BAZ1A: variants seen among roughly 807,000 people sequenced by gnomAD.
The protein encoded by BAZ1A is bromodomain adjacent to zinc finger domain protein 1A.
A neutral mutation model predicts 185.2 loss-of-function variants in BAZ1A; 50 were observed. That is an observed-to-expected ratio of 0.27 (90% CI 0.22 to 0.34). The LOEUF (loss-of-function observed/expected upper bound fraction) is 0.34. Among genes scored for constraint, BAZ1A ranks in the 10% least tolerant of loss-of-function variants. BAZ1A has a pLI of 1.00. For synonymous variants in BAZ1A, 571 were observed against 615.6 expected (o/e 0.93, Z 1.07); for missense variants, 1,356 against 1,839.9 (o/e 0.74, Z 4.81).
chr14:34,779,213 GATT>G (rs1246217228), intron 17 of BAZ1A, among the ~76,000 whole-genome samples: 1 of 151,920 alleles, frequency 6.6e-6, no homozygotes, highest in Non-Finnish European at 1.5e-5. Flanking sequence ...GATTTGGGGG[GATT>G]ATTCTTTTTC....
chr14:34,844,602 C>T (rs2042472979), intron 3 of BAZ1A, among the ~76,000 whole-genome samples: 1 of 149,178 alleles, frequency 6.7e-6, no homozygotes, highest in African/African-American at 2.4e-5. Flanking sequence ...CGCAGGGAGA[C>T]CCTGTTTCTA....
chr14:34,785,390 G>A (rs1302816265), intron 14 of BAZ1A, among the ~76,000 whole-genome samples: 2 of 152,024 alleles, frequency 1.3e-5, no homozygotes, highest in Non-Finnish European at 2.9e-5. Flanking sequence ...TTTAAAAAAA[G>A]GAAGTGAAAA....
At chr14:34,771,197 G>A in intron 21 of BAZ1A, 1 of 210,310 alleles carries the variant, frequency 4.8e-6, no homozygotes, top group Non-Finnish European at 9.4e-6. Flanking sequence ...TGGGGTTCTT[G>A]CTATATGTTG....
intron 14 of BAZ1A, among the ~76,000 whole-genome samples, 169 bp downstream of exon 14, chr14:34,785,607 TA>T (rs926207542): frequency 6.6e-6 from 1 of 152,140 alleles, no homozygotes; most frequent in Non-Finnish European, 1.5e-5. Context: ...AAAATCCAAA[TA>T]AAAAAGACAA....
At chr14:34,789,131 C>T (rs1880683981) in intron 12 of BAZ1A, among the ~76,000 whole-genome samples, 2 of 152,152 alleles carry the variant, frequency 1.3e-5, no homozygotes, top group Admixed American at 1.3e-4. Context: ...AAAATTTCAT[C>T]AATGTTCATT....
At chr14:34,868,862 A>T (rs2042903807) in intron 2 of BAZ1A, among the ~76,000 whole-genome samples, 2 of 150,074 alleles carry the variant, frequency 1.3e-5, no homozygotes, top group South Asian at 4.2e-4. Context: ...CTTAGGGGCC[A>T]AAACACACTC....
chr14:34,872,663 T>C (rs955486115), intron 2 of BAZ1A, among the ~76,000 whole-genome samples: 2 of 152,096 alleles, frequency 1.3e-5, no homozygotes, highest in African/African-American at 4.8e-5. Context: ...AAAATCTGTA[T>C]TTCAGCAATT....
chr14:34,756,241 G>T (rs149600715), intron 25 of BAZ1A, among the ~76,000 whole-genome samples: 2 of 151,242 alleles, frequency 1.3e-5, no homozygotes, highest in African/African-American at 4.9e-5. Context: ...AGCCTCCAGA[G>T]TAGCTGGGAC....
chr14:34,771,981 GTC>G, intron 20 of BAZ1A, among the ~76,000 whole-genome samples: 1 of 151,838 alleles, frequency 6.6e-6, no homozygotes, highest in Non-Finnish European at 1.5e-5. Flanking sequence ...TTTTGAGACA[GTC>G]TCGCACTGTT....
intron 12 of BAZ1A, 125 bp from the exon 13 acceptor site, chr14:34,786,346 A>G (rs1880436725): frequency 1.3e-6 from 1 of 786,368 alleles, no homozygotes; most frequent in Non-Finnish European, 2.0e-6. Context: ...AAGAACAAAC[A>G]CTAGGTACAA....
chr14:34,788,794 T>C (rs989506008), intron 12 of BAZ1A, among the ~76,000 whole-genome samples: 5 of 152,208 alleles, frequency 3.3e-5, no homozygotes, highest in Non-Finnish European at 2.9e-5. Flanking sequence ...CTGAACAACT[T>C]GTAGGGTGCC....
chr14:34,866,279 C>T (rs776727704), intron 2 of BAZ1A, among the ~76,000 whole-genome samples: 4 of 151,722 alleles, frequency 2.6e-5, no homozygotes, highest in Admixed American at 6.6e-5. Context: ...AGCCCAAGAG[C>T]TCAAGACCAG....
chr14:34,826,299 A>T (rs2042164514), intron 3 of BAZ1A, 143 bp from the exon 4 acceptor site: 1 of 752,428 alleles, frequency 1.3e-6, no homozygotes, highest in African/African-American at 1.9e-5. Context: ...AATTAAAAAG[A>T]AAATCTGTAA....
intron 3 of BAZ1A, among the ~76,000 whole-genome samples, chr14:34,861,126 A>C (rs952102857): frequency 6.6e-6 from 1 of 152,130 alleles, no homozygotes; most frequent in African/African-American, 2.4e-5. Context: ...TTGGCTTCTA[A>C]AGTTTAAAAT....
At chr14:34,755,627 CTCAAA>C (rs765377543) in intron 25 of BAZ1A, among the ~76,000 whole-genome samples, 20 of 151,842 alleles carry the variant, frequency 1.3e-4, no homozygotes, top group East Asian at 3.9e-4. Flanking sequence ...CTCTGAAATG[CTCAAA>C]TCAATCTCTG....
intron 4 of BAZ1A, among the ~76,000 whole-genome samples, chr14:34,816,489 G>A (rs1316913503): frequency 1.3e-5 from 2 of 152,134 alleles, no homozygotes; most frequent in Admixed American, 1.3e-4. Context: ...ACTATTTTCA[G>A]GTCAGGCTAA....
Position 34,874,637 on chromosome 14 carries a change from C to A in BAZ1A, c.-33G>T, listed in dbSNP as rs1566610239. 2 of 1,544,140 alleles carry A rather than the reference C, an allele frequency of 1.3e-6. No homozygotes were observed. The highest frequency in any genetic ancestry group is 2.4e-5 in the East Asian group (1 of 40,910). On this transcript the variant is annotated 5_prime_UTR_variant, in exon 2 of 27. Transcript: ENST00000360310. The surrounding 1 kb of genome is among the most constrained non-coding windows in gnomAD (Gnocchi z 4.7). Reference sequence around the variant, plus strand: ...CCGCCCGCGGGCTCGCCTGGACCCTCGGCCGCCCGCGCCGGCCCCGCTTCC... The same window carrying A: ...CCGCCCGCGGGCTCGCCTGGACCCTAGGCCGCCCGCGCCGGCCCCGCTTCC...
intron 10 of BAZ1A, 101 bp from the exon 11 acceptor site, chr14:34,794,988 T>C (rs1881104914): frequency 2.8e-6 from 4 of 1,440,112 alleles, no homozygotes; most frequent in African/African-American, 1.4e-5. Flanking sequence ...GAAGTATTAT[T>C]TGTAAGCTAC....
intron 3 of BAZ1A, among the ~76,000 whole-genome samples, chr14:34,832,191 T>TACACAC (rs57379319): frequency 0.01 from 1,007 of 96,592 alleles, 33 homozygotes; most frequent in African/African-American, 0.034. Flanking sequence ...TATATACATA[T>TACACAC]ACACACACAC....
Sources: gnomAD v4.1 joint callset for allele counts (sites outside exome capture counted in the v4.1 genomes callset) on GRCh38, gnomAD v4.1.1 for gene constraint, Gnocchi (gnomAD v3.1) non-coding constraint, MANE v1.5 for transcripts, NCBI Gene and HGNC (gene_info 2026-07-23, HGNC 2026-07-21) for gene names.